RNF103: variants seen among roughly 807,000 people sequenced by gnomAD.
RNF103 encodes the protein ring finger protein 103.
Under a neutral mutation model 66.2 loss-of-function variants are expected in RNF103, and 23 were observed. The ratio of observed to expected loss-of-function variants is 0.35; its 90% CI spans 0.25 to 0.49. RNF103 has a LOEUF of 0.49. RNF103 is among the 20% of genes least tolerant of loss of function. The pLI is 0.98. For synonymous variants in RNF103, 297 were observed against 289.9 expected, an observed-to-expected ratio of 1.02 and a Z score of -0.25; for missense variants, 730 against 814.7, an observed-to-expected ratio of 0.90 and a Z score of 1.27.
chr2:86,606,139 A>G (rs962800052), intron 3 of RNF103, among the ~76,000 whole-genome samples: 4 of 152,206 alleles, frequency 2.6e-5, no homozygotes, highest in African/African-American at 9.7e-5. Flanking sequence ...TAACAAGAGG[A>G]AACAAAAACA....
intron 1 of RNF103, among the ~76,000 whole-genome samples, chr2:86,621,454 GA>G (rs1348767028): frequency 1.3e-5 from 2 of 152,176 alleles, no homozygotes; most frequent in Non-Finnish European, 2.9e-5. Flanking sequence ...CCCTATGGTA[GA>G]AATAAGAATC....
rs1325339143 is a variant in RNF103, at chr2:86,603,739, G to A, written c.*104C>T. The A allele has an allele frequency of 6.9e-6, 10 of 1,443,794 alleles. No individual in the cohort carries two copies. The Admixed American group carries it at 1.1e-4, about 16-fold the overall frequency. 89.4% of individuals were successfully genotyped at this position (1,443,794 alleles called of 1,614,324 possible). A position where few individuals can be genotyped will look rare whatever the true frequency, so the allele number is the denominator to read the frequency against. On this transcript the variant is annotated 3_prime_UTR_variant, in exon 4 of 4. Coordinates refer to ENST00000237455, the MANE Select transcript of RNF103 (RefSeq NM_005667.4). ...AGCATAATGTGTATTTCCCGTCACT[G>A]CACTAACATTAAACTAAACTTCAAA...
In RNF103 at chr2:86,623,817, C is replaced by G. The variant is rs1185202049; in HGVS notation, c.-931G>C. Reference sequence around the variant, plus strand: ...CACCTCCGGAGACCGCGGCCGTACCCTCCACAACCGTGTATCAGCGGCGGC... The same window carrying G: ...CACCTCCGGAGACCGCGGCCGTACCGTCCACAACCGTGTATCAGCGGCGGC... On this transcript the variant is annotated 5_prime_UTR_variant, in exon 1 of 4. Transcript: ENST00000237455. 13 of 1,288,100 alleles carry G rather than the reference C, an allele frequency of 1.0e-5. No individual in the cohort carries two copies. The highest frequency in any genetic ancestry group is 1.3e-5 in the Non-Finnish European group (13 of 988,382). The allele number at this position is 1,288,100 out of a possible 1,614,324, so 79.8% of individuals were successfully genotyped here.
At chr2:86,618,101 T>C (rs1679095072) in intron 2 of RNF103, 1 of 424,706 alleles carries the variant, frequency 2.4e-6, no homozygotes, top group African/African-American at 2.0e-5. Flanking sequence ...GAGTTGTTTT[T>C]CAACTATTAA....
intron 3 of RNF103, among the ~76,000 whole-genome samples, chr2:86,605,872 T>G (rs950024594): frequency 2.0e-5 from 3 of 152,218 alleles, no homozygotes; most frequent in Non-Finnish European, 4.4e-5. Context: ...GGAATTGAAC[T>G]AGGTCTTGAA....
Position 86,605,385 on chromosome 2 carries a change from T to G in RNF103, c.516A>C (p.Thr172=), listed in dbSNP as rs766961081. ...TTGTTTGTGGAACAGACATAATGAG[T>G]GTGGATCGGACCCAGCCTCTTCTCC... ...YCRRRGWVRS[T]LIMSVPQTST... Residue 172 remains threonine (T), a synonymous_variant, in exon 4 of 4, where the codon ACA becomes ACC. Coordinates refer to ENST00000237455, the MANE Select transcript of RNF103 (RefSeq NM_005667.4). The G allele has an allele frequency of 6.8e-6, 11 of 1,613,714 alleles. No individual in the cohort carries two copies. In the South Asian group the frequency reaches 1.2e-4, roughly 18 times the overall value.
rs1486669885 is a variant in RNF103, at chr2:86,604,843, A to G, written c.1058T>C (p.Phe353Ser). Residue 353 changes from phenylalanine (F) to serine (S), a missense_variant, in exon 4 of 4, where the codon TTT becomes TCT. Physicochemically the swap from Phe to Ser is radical, Grantham distance 155. Coordinates refer to ENST00000237455, the MANE Select transcript of RNF103 (RefSeq NM_005667.4). ...CCCTAAAGTGCTTATGAGAACCACA[A>G]ATCGCTTTATGGTAGCTCCTTGTGT... ...FITQGATIKR[F>S]VVLISTLGTY... 4 of 1,614,044 alleles carry G rather than the reference A, an allele frequency of 2.5e-6. No homozygotes were observed. Among genetic ancestry groups the G allele is most frequent in the Admixed American group, 3.3e-5 (2 of 59,994 alleles).
In RNF103 at chr2:86,604,989, G is replaced by A. The variant is rs766796913; in HGVS notation, c.912C>T (p.Gly304=). The change falls in exon 4 of 4, where the codon GGC becomes GGT. Residue 304 remains glycine, a synonymous_variant. Transcript: ENST00000237455. ...CCATGGCCTGAAGGGATATAAATTCGCCTGTGTGGTTTCCATACCTGTAAA... is the reference window on the plus strand; with the variant it reads ...CCATGGCCTGAAGGGATATAAATTCACCTGTGTGGTTTCCATACCTGTAAA... The part of the protein sequence containing the change: ...EGIYRYGNHT[G]EFISLQAMDS... The A allele has an allele frequency of 4.3e-6, 7 of 1,613,940 alleles. No homozygotes were observed. The Admixed American group carries it at 8.3e-5, about 19-fold the overall frequency.
In RNF103 at chr2:86,623,081, GAGGGACGC is replaced by G. The variant is rs1679298606; in HGVS notation, c.-203_-196del. 1.5e-6 allele frequency: 2 copies of G among 1,291,306 alleles called. No homozygotes were observed. The highest frequency in any genetic ancestry group is 2.0e-6 in the Non-Finnish European group (2 of 1,025,218). The allele number at this position is 1,291,306 out of a possible 1,614,324, so 80.0% of individuals were successfully genotyped here. On this transcript the variant is annotated 5_prime_UTR_variant, in exon 1 of 4. It removes the in-frame stop codon of an upstream open reading frame in the 5' UTR. Coordinates refer to ENST00000237455, the MANE Select transcript of RNF103 (RefSeq NM_005667.4). ...ATCCGCGCGGGCGCGAGGCGGCGAC[GAGGGACGC>G]AGAGACGCAGAGCCTCGCGCCGGGC...
intron 2 of RNF103, chr2:86,618,370 C>T: frequency 6.1e-6 from 1 of 164,436 alleles, no homozygotes. Context: ...AAGGCCTTAG[C>T]TTGGTGTGTG....
chr2:86,612,399 TATC>T (rs1678834376), intron 2 of RNF103, 125 bp from the exon 3 acceptor site: 2 of 605,120 alleles, frequency 3.3e-6, no homozygotes, highest in Non-Finnish European at 5.8e-6. Flanking sequence ...TTGTTTACTG[TATC>T]ATCACATTAT....
intron 2 of RNF103, chr2:86,617,540 T>A (rs544425681): frequency 3.2e-6 from 2 of 634,176 alleles, no homozygotes; most frequent in Non-Finnish European, 3.9e-6. Flanking sequence ...GGAAAAAACA[T>A]AGACTATATA....
chr2:86,608,559 G>GT (rs974588021), intron 3 of RNF103, among the ~76,000 whole-genome samples: 5 of 149,592 alleles, frequency 3.3e-5, no homozygotes, highest in African/African-American at 9.8e-5. Context: ...TATATATGCT[G>GT]TTTTTTCAGA....
At chr2:86,613,672 CG>C (rs1215590505) in intron 2 of RNF103, 1 of 152,066 alleles carries the variant, frequency 6.6e-6, no homozygotes, top group Non-Finnish European at 1.5e-5. Context: ...CCTTGGGAGA[CG>C]CAAGAGGTGG....
intron 1 of RNF103, 87 bp downstream of exon 1, chr2:86,622,574 C>A: frequency 7.4e-7 from 1 of 1,344,398 alleles, no homozygotes; most frequent in South Asian, 1.2e-5. Flanking sequence ...GGAAAGGCCT[C>A]ACTCTGGGGG....
chr2:86,621,646 T>G (rs922990684), intron 1 of RNF103, among the ~76,000 whole-genome samples: 2 of 152,186 alleles, frequency 1.3e-5, no homozygotes, highest in African/African-American at 4.8e-5. Context: ...GCTCATACTC[T>G]TGTCTATCAC....
intron 1 of RNF103, 98 bp downstream of exon 1, chr2:86,622,563 A>T: frequency 8.3e-7 from 1 of 1,209,664 alleles, no homozygotes; most frequent in Non-Finnish European, 1.2e-6. Context: ...TAACGCTTCC[A>T]GGAAAGGCCT....
intron 2 of RNF103, among the ~76,000 whole-genome samples, chr2:86,619,818 CTCA>C (rs1393284384): frequency 2.0e-5 from 3 of 152,124 alleles, no homozygotes; most frequent in Non-Finnish European, 2.9e-5. Context: ...AAATTATAAT[CTCA>C]TCATCCTGAG....
intron 2 of RNF103, 133 bp from the exon 3 acceptor site, chr2:86,612,407 C>A (rs10520428): frequency 0.022 from 13,136 of 589,916 alleles, 1,336 homozygotes; most frequent in African/African-American, 0.22. Flanking sequence ...TGTATCATCA[C>A]ATTATCATTA....
Sources: allele counts gnomAD v4.1 joint callset (sites outside exome capture counted in the v4.1 genomes callset), GRCh38; gene constraint gnomAD v4.1.1; transcripts MANE v1.5; gene names NCBI Gene and HGNC (gene_info 2026-07-23, HGNC 2026-07-21).